The following C3orf49 variants were observed in gnomAD, a reference collection of about 807,000 sequenced individuals.
The protein encoded by C3orf49 is putative uncharacterized protein C3orf49.
In C3orf49, 27 loss-of-function variants were observed where a neutral mutation model predicts 13.3. The ratio of observed to expected loss-of-function variants is 2.02; its 90% confidence interval spans 1.49 to 2.79. The LOEUF (loss-of-function observed/expected upper bound fraction) is 2.79, where lower values mean the gene tolerates loss of function less well. Ranked by LOEUF, C3orf49 falls within the 30% of genes most tolerant of loss-of-function variation. The probability of loss-of-function intolerance (pLI) is 0.00; values close to 1 mark genes in which losing one functional copy is unlikely to be tolerated. For synonymous variants in C3orf49, 87 were observed against 47.6 expected (o/e 1.83, Z -3.40); for missense variants, 242 against 134.2 (o/e 1.80, Z -3.97).
At chr3:63,817,523 C>T (rs1337375454), upstream of C3orf49, among the ~76,000 whole-genome samples, 1 of 152,074 alleles carries the variant, frequency 6.6e-6, no homozygotes, top group Non-Finnish European at 1.5e-5. Flanking sequence ...GTTATTACTC[C>T]TGTTTTACGA....
chr3:63,823,406 G>A lies in C3orf49; in HGVS notation c.282G>A (p.Leu94=). 1 of 703,276 alleles carries A rather than the reference G, an allele frequency of 1.4e-6. No individual in the cohort carries two copies. 43.6% of individuals were successfully genotyped at this position (703,276 alleles called of 1,614,324 possible). ...TGAAGACTGCTTTTGGGAGGATGCT[G>A]TCCTACAAGTATAGAAGCAAGCCAG... The part of the protein sequence containing the change: ...TKVKTAFGRM[L]SYKYRSKPAC... Residue 94 remains leucine (L), a synonymous_variant, in exon 2 of 7, where the codon CTG becomes CTA. Coordinates refer to ENST00000295896, the MANE Select transcript of C3orf49 (RefSeq NM_001355236.2).
chr3:63,792,668 T>C, the C3orf49 span, among the ~76,000 whole-genome samples: 3 of 152,228 alleles, frequency 2.0e-5, no homozygotes, highest in Non-Finnish European at 4.4e-5. Flanking sequence ...ACTGCCTGTT[T>C]ACGTGAAGGA....
chr3:63,795,383 G>A, the C3orf49 span, among the ~76,000 whole-genome samples: 15 of 152,246 alleles, frequency 9.9e-5, no homozygotes, highest in African/African-American at 3.1e-4. Context: ...ATGTTCTTTC[G>A]TTTTCAATTA....
intron 3 of C3orf49, among the ~76,000 whole-genome samples, chr3:63,827,978 A>C (rs7614311): frequency 0.15 from 23,038 of 152,002 alleles, 1,910 homozygotes; most frequent in Non-Finnish European, 0.19. Flanking sequence ...TGACTTTCTC[A>C]CTCTTCAAAT....
chr3:63,839,359 A>T (rs73831959), intron 5 of C3orf49, among the ~76,000 whole-genome samples: 4,358 of 152,260 alleles, frequency 0.029, 118 homozygotes, highest in African/African-American at 0.077. Flanking sequence ...CAAAGGAGAA[A>T]ATTCCATTTA....
chr3:63,815,010 G>A (rs954464453), upstream of C3orf49, among the ~76,000 whole-genome samples: 2 of 152,160 alleles, frequency 1.3e-5, no homozygotes, highest in Non-Finnish European at 2.9e-5. Context: ...ACATCACTAC[G>A]TGAAAGCAGG....
rs148469306 is a variant in C3orf49 at position 63,842,469 on chromosome 3, G to A, written c.850-2554G>A. On this transcript the variant is annotated intron_variant, in intron 5 of 6. Coordinates refer to ENST00000295896, the MANE Select transcript of C3orf49 (RefSeq NM_001355236.2). Reference sequence around the variant, plus strand: ...AACCTAAGTGTCCACTGATCAATGAGTGAATAAAGAAAATGTGGTATCTAT... The same window carrying A: ...AACCTAAGTGTCCACTGATCAATGAATGAATAAAGAAAATGTGGTATCTAT... Among the ~76,000 whole-genome samples the A allele has an allele frequency of 8.4e-3, 1,285 of 152,188 alleles. 19 individuals are homozygous for A. The highest frequency in any genetic ancestry group is 0.027 in the African/African-American group (1,129 of 41,534).
intron 1 of C3orf49, among the ~76,000 whole-genome samples, chr3:63,821,290 G>C (rs1354863050): frequency 1.3e-5 from 2 of 152,158 alleles, no homozygotes; most frequent in African/African-American, 2.4e-5. Flanking sequence ...GTTTAGAACA[G>C]TGTTTTCCTG....
intron 5 of C3orf49, among the ~76,000 whole-genome samples, chr3:63,841,611 T>G (rs183318509): frequency 3.3e-5 from 5 of 152,338 alleles, no homozygotes; most frequent in Admixed American, 3.3e-4. Flanking sequence ...GAATTGGGTT[T>G]GGTTCTCAGA....
the C3orf49 span, among the ~76,000 whole-genome samples, chr3:63,799,488 C>T: frequency 2.1e-5 from 3 of 145,354 alleles, no homozygotes; most frequent in Non-Finnish European, 4.7e-5. Flanking sequence ...TCTGGGAAGG[C>T]AATACAACAC....
At chr3:63,830,969 C>T in intron 3 of C3orf49, 141 bp from the exon 4 acceptor site, 1 of 598,868 alleles carries the variant, frequency 1.7e-6, no homozygotes, top group Non-Finnish European at 2.9e-6. Flanking sequence ...AATATGAATA[C>T]AGTCTGCAAT....
rs371293397 is a variant in C3orf49, at chr3:63,827,733, G to A, written c.570+8G>A. On this transcript the variant is annotated splice_region_variant and intron_variant, in intron 3 of 6. Coordinates refer to ENST00000295896, the MANE Select transcript of C3orf49 (RefSeq NM_001355236.2). ...CCTTCAGGACTGCAAAAGGTAAAACGCTAAATGAATTTGCCTCTGAAGACT... is the reference window on the plus strand; with the variant it reads ...CCTTCAGGACTGCAAAAGGTAAAACACTAAATGAATTTGCCTCTGAAGACT... The A allele has an allele frequency of 3.0e-5, 21 of 701,134 alleles. No homozygotes were observed. The highest frequency in any genetic ancestry group is 2.1e-4 in the East Asian group (8 of 37,290). The allele number at this position is 701,134 out of a possible 1,614,324, so 43.4% of individuals were successfully genotyped here. A position where few individuals can be genotyped will look rare whatever the true frequency, so the allele number is the denominator to read the frequency against.
At chr3:63,791,417 G>A in the C3orf49 span, among the ~76,000 whole-genome samples, 4 of 152,164 alleles carry the variant, frequency 2.6e-5, no homozygotes, top group African/African-American at 9.7e-5. Context: ...GAATTGATTG[G>A]TAAAGGCTAC....
At chr3:63,827,782 ATTTTGC>A in intron 3 of C3orf49, 57 bp downstream of exon 3, 1 of 682,308 alleles carries the variant, frequency 1.5e-6, no homozygotes, top group South Asian at 1.6e-5. Context: ...ATGTCTAGAG[ATTTTGC>A]AAAAACCAAG....
intron 5 of C3orf49, among the ~76,000 whole-genome samples, chr3:63,836,531 T>C (rs1030087688): frequency 6.6e-5 from 10 of 152,044 alleles, no homozygotes; most frequent in Non-Finnish European, 1.3e-4. Flanking sequence ...ATTATAACGA[T>C]ACATAACATC....
At chr3:63,803,382 T>G in the C3orf49 span, among the ~76,000 whole-genome samples, 1 of 152,052 alleles carries the variant, frequency 6.6e-6, no homozygotes, top group Non-Finnish European at 1.5e-5. Flanking sequence ...ACATGTGGGG[T>G]TGAGAAATCC....
upstream of C3orf49, among the ~76,000 whole-genome samples, chr3:63,817,881 T>C (rs181801018): frequency 2.0e-5 from 3 of 152,332 alleles, no homozygotes; most frequent in African/African-American, 7.2e-5. Context: ...TTCATCTAGA[T>C]AATTGATGAA....
chr3:63,810,376 G>A, the C3orf49 span, among the ~76,000 whole-genome samples: 2 of 152,042 alleles, frequency 1.3e-5, no homozygotes, highest in African/African-American at 2.4e-5. Flanking sequence ...TCTGTTCCTC[G>A]CTGTATGCTC....
At chr3:63,779,833 C>G in the C3orf49 span, 3 of 152,114 alleles carry the variant, frequency 2.0e-5, no homozygotes, top group African/African-American at 4.8e-5. Flanking sequence ...CTACCTTTGT[C>G]AACTGCAAAG....
Sources: allele counts gnomAD v4.1 joint callset (sites outside exome capture counted in the v4.1 genomes callset), GRCh38; gene constraint gnomAD v4.1.1; transcripts MANE v1.5; gene names NCBI Gene and HGNC (gene_info 2026-07-23, HGNC 2026-07-21).